CSMD3: variants seen among roughly 807,000 people sequenced by gnomAD.
CSMD3 encodes the protein CUB and Sushi multiple domains 3, also known as CUB and sushi domain-containing protein 3.
CSMD3 carries 177 observed loss-of-function variants against 435.2 expected under a neutral mutation model. The ratio of observed to expected loss-of-function variants is 0.41; its 90% CI spans 0.36 to 0.46. The LOEUF (loss-of-function observed/expected upper bound fraction) is 0.46, where lower values mean the gene tolerates loss of function less well. Ranked by LOEUF, CSMD3 falls within the 20% of genes least tolerant of loss-of-function variation. CSMD3 has a pLI of 0.34. For missense variants in CSMD3, 4,265 were observed against 4,504.6 expected, an observed-to-expected ratio of 0.95 and a Z score of 1.52; for synonymous variants, 1,656 against 1,520.5, an observed-to-expected ratio of 1.09 and a Z score of -2.07.
At chr8:113,379,660 G>GC (rs2094406502) in intron 1 of CSMD3, among the ~76,000 whole-genome samples, 1 of 152,078 alleles carries the variant, frequency 6.6e-6, no homozygotes, top group African/African-American at 2.4e-5. Flanking sequence ...AGCTTCTCCA[G>GC]CCCCCTTTGT....
chr8:113,193,597 T>C (rs1372933331), intron 3 of CSMD3, among the ~76,000 whole-genome samples: 1 of 151,482 alleles, frequency 6.6e-6, no homozygotes, highest in Non-Finnish European at 1.5e-5. Flanking sequence ...ATTCATACCA[T>C]TTAAAAACAA....
At chr8:113,062,963 A>G (rs767175380) in intron 5 of CSMD3, among the ~76,000 whole-genome samples, 104 of 151,850 alleles carry the variant, frequency 6.8e-4, no homozygotes, top group African/African-American at 2.4e-3. Context: ...TTATTATATA[A>G]TATTGATTAC....
intron 63 of CSMD3, among the ~76,000 whole-genome samples, chr8:112,252,683 A>G (rs1238561879): frequency 1.5e-4 from 3 of 20,050 alleles, no homozygotes; most frequent in East Asian, 5.6e-3. Context: ...GTGTGTGTAT[A>G]TATATATATA....
intron 2 of CSMD3, among the ~76,000 whole-genome samples, chr8:113,279,447 A>G (rs951459093): frequency 2.6e-5 from 4 of 151,624 alleles, no homozygotes; most frequent in South Asian, 2.1e-4. Context: ...ACAATTTCAA[A>G]TTGGTATTCA....
At chr8:112,867,118 G>A (rs1478347657) in intron 10 of CSMD3, among the ~76,000 whole-genome samples, 4 of 152,122 alleles carry the variant, frequency 2.6e-5, no homozygotes, top group African/African-American at 9.6e-5. Flanking sequence ...CAGACAATGA[G>A]ATTCGGATGT....
chr8:113,064,352 T>A (rs1361983497), intron 5 of CSMD3, among the ~76,000 whole-genome samples: 2 of 152,016 alleles, frequency 1.3e-5, no homozygotes, highest in Non-Finnish European at 2.9e-5. Flanking sequence ...TTCATTAAAA[T>A]ATATAGAGAG....
intron 4 of CSMD3, among the ~76,000 whole-genome samples, chr8:113,153,095 A>AG (rs2091850806): frequency 2.2e-5 from 2 of 92,330 alleles, no homozygotes; most frequent in African/African-American, 1.0e-4. Context: ...AAAGAAAGAA[A>AG]GAAAGAAAAG....
At chr8:112,249,151 C>A (rs894571917) in intron 63 of CSMD3, among the ~76,000 whole-genome samples, 1 of 152,094 alleles carries the variant, frequency 6.6e-6, no homozygotes, top group Admixed American at 6.6e-5. Flanking sequence ...AAGGTTAGAA[C>A]CCAGTTAATA....
chr8:113,290,812 A>G (rs974363651), intron 2 of CSMD3, among the ~76,000 whole-genome samples: 7 of 151,700 alleles, frequency 4.6e-5, no homozygotes, highest in African/African-American at 1.7e-4. Flanking sequence ...CATTCAGTCA[A>G]TTATTATACT....
At chr8:112,571,724 C>T (rs890674641) in intron 24 of CSMD3, among the ~76,000 whole-genome samples, 1 of 151,678 alleles carries the variant, frequency 6.6e-6, no homozygotes, top group Non-Finnish European at 1.5e-5. Flanking sequence ...CAAAAATTAG[C>T]CAGGCATGGT....
At chr8:112,803,223 T>G (rs961577870) in intron 12 of CSMD3, among the ~76,000 whole-genome samples, 10 of 152,228 alleles carry the variant, frequency 6.6e-5, no homozygotes, top group African/African-American at 2.2e-4. Flanking sequence ...CTGCTATCTC[T>G]GCTCTTTCTG....
At chr8:113,387,514 G>T (rs1466744270) in intron 1 of CSMD3, among the ~76,000 whole-genome samples, 2 of 151,734 alleles carry the variant, frequency 1.3e-5, no homozygotes, top group African/African-American at 2.4e-5. Flanking sequence ...TTTTATGATT[G>T]CAGTGAAGAA....
chr8:113,408,655 G>GTTT (rs143287470), intron 1 of CSMD3, among the ~76,000 whole-genome samples: 4 of 140,550 alleles, frequency 2.8e-5, no homozygotes, highest in Non-Finnish European at 6.3e-5. Context: ...GTGACAAGGA[G>GTTT]TTTTTTTTTT....
intron 1 of CSMD3, among the ~76,000 whole-genome samples, chr8:113,408,967 C>A (rs796815767): frequency 1.1e-4 from 16 of 152,062 alleles, no homozygotes; most frequent in African/African-American, 3.9e-4. Flanking sequence ...TAATGCCCAG[C>A]CTATACAGAA....
intron 4 of CSMD3, among the ~76,000 whole-genome samples, chr8:113,121,813 G>T (rs2090994221): frequency 6.6e-6 from 1 of 151,856 alleles, no homozygotes; most frequent in Admixed American, 6.6e-5. Context: ...GATCTCAAAA[G>T]AATTATAACT....
chr8:113,088,020 A>G (rs2089863057), intron 5 of CSMD3, among the ~76,000 whole-genome samples: 1 of 149,298 alleles, frequency 6.7e-6, no homozygotes, highest in Non-Finnish European at 1.5e-5. Context: ...CAAGAAAAAA[A>G]CAAACAACCC....
intron 16 of CSMD3, among the ~76,000 whole-genome samples, chr8:112,669,931 C>T (rs2075617567): frequency 6.6e-6 from 1 of 152,108 alleles, no homozygotes. Context: ...TGAACAAAGG[C>T]AGTTTGACTC....
At chr8:112,570,988 C>A (rs572165085) in intron 24 of CSMD3, among the ~76,000 whole-genome samples, 1 of 152,090 alleles carries the variant, frequency 6.6e-6, no homozygotes, top group Admixed American at 6.6e-5. Context: ...CTTTAATGGA[C>A]AATTATTAAT....
chr8:113,255,165 T>C (rs1205581772), intron 3 of CSMD3, among the ~76,000 whole-genome samples: 1 of 152,118 alleles, frequency 6.6e-6, no homozygotes, highest in Admixed American at 6.6e-5. Flanking sequence ...ACAATAATAT[T>C]ACCTTAGACT....
Sources: allele counts gnomAD v4.1 joint callset (sites outside exome capture counted in the v4.1 genomes callset), GRCh38; gene constraint gnomAD v4.1.1; transcripts MANE v1.5; gene names NCBI Gene and HGNC (gene_info 2026-07-23, HGNC 2026-07-21).